The following ARFGEF3 variants were observed in gnomAD, a reference collection of about 807,000 sequenced individuals.
The protein encoded by ARFGEF3 is brefeldin A-inhibited guanine nucleotide-exchange protein 3.
In ARFGEF3, 96 loss-of-function variants were observed where a neutral mutation model predicts 221.7. The ratio of observed to expected loss-of-function variants is 0.43; its 90% CI spans 0.37 to 0.51. The LOEUF is 0.51. Among genes scored for constraint, ARFGEF3 ranks in the 20% least tolerant of loss-of-function variants. The pLI is 0.00. For missense variants in ARFGEF3, 2,410 were observed against 2,789.9 expected, an observed-to-expected ratio of 0.86 and a Z score of 3.07; for synonymous variants, 1,145 against 1,126.8, an observed-to-expected ratio of 1.02 and a Z score of -0.32.
At chr6:138,316,206 C>G (rs953173984) in intron 26 of ARFGEF3, among the ~76,000 whole-genome samples, 2 of 152,030 alleles carry the variant, frequency 1.3e-5, no homozygotes, top group Admixed American at 6.5e-5. Context: ...TCTAAGTTTT[C>G]TACATAATCA....
intron 2 of ARFGEF3, among the ~76,000 whole-genome samples, chr6:138,171,986 G>T (rs914764362): frequency 5.3e-5 from 8 of 152,042 alleles, no homozygotes; most frequent in African/African-American, 1.9e-4. Context: ...ATGTTCTCAG[G>T]ATACTGTGAT....
At chr6:138,285,454 C>CA (rs5880380) in intron 14 of ARFGEF3, among the ~76,000 whole-genome samples, 1,394 of 81,058 alleles carry the variant, frequency 0.017, 7 homozygotes, top group Middle Eastern at 0.036. Context: ...ACTCCCGTCT[C>CA]AAAAAAAAAA....
intron 2 of ARFGEF3, among the ~76,000 whole-genome samples, chr6:138,189,578 T>A (rs187199878): frequency 1.3e-5 from 2 of 152,366 alleles, no homozygotes; most frequent in Admixed American, 1.3e-4. Flanking sequence ...GATTTTCACT[T>A]AGTATATCAA....
intron 4 of ARFGEF3, among the ~76,000 whole-genome samples, chr6:138,221,447 G>T (rs1407937647): frequency 6.6e-6 from 1 of 152,084 alleles, no homozygotes; most frequent in Non-Finnish European, 1.5e-5. Context: ...GAAATTATTT[G>T]GTCTAATATG....
intron 32 of ARFGEF3, among the ~76,000 whole-genome samples, chr6:138,329,343 C>G (rs1031224690): frequency 7.2e-5 from 11 of 152,142 alleles, no homozygotes; most frequent in African/African-American, 2.7e-4. Flanking sequence ...CAAGGACACA[C>G]AACTGCAAAG....
intron 5 of ARFGEF3, among the ~76,000 whole-genome samples, chr6:138,232,497 G>A (rs998616070): frequency 6.6e-6 from 1 of 152,136 alleles, no homozygotes; most frequent in African/African-American, 2.4e-5. Flanking sequence ...CTTCTCTGTG[G>A]GATTTCTCAA....
rs895266191 is a variant in ARFGEF3, at chr6:138,162,744, C to A, written c.85+573C>A. 6.6e-6 allele frequency among the ~76,000 whole-genome samples: 1 copy of A among 152,142 alleles called. No homozygotes were observed. Among genetic ancestry groups the A allele is most frequent in the Admixed American group, 6.5e-5 (1 of 15,276 alleles). On this transcript the variant is annotated intron_variant, in intron 1 of 33. Coordinates refer to ENST00000251691, the MANE Select transcript of ARFGEF3 (RefSeq NM_020340.5). This position sits in a 1 kb window ranked among gnomAD's most constrained non-coding sequence, Gnocchi z 4.7. ...CCTTCAGACAGGTGGGATTTTAGGG[C>A]TGTGAGCTGTGCTAGCGTTGAAGTA...
chr6:138,167,237 A>C (rs558713908), intron 1 of ARFGEF3, among the ~76,000 whole-genome samples: 20 of 152,292 alleles, frequency 1.3e-4, no homozygotes, highest in African/African-American at 4.8e-4. Flanking sequence ...TGAGTTTCTC[A>C]AGGGTTAGCT....
chr6:138,218,300 GAAGT>G, intron 4 of ARFGEF3: 1 of 1,583,162 alleles, frequency 6.3e-7, no homozygotes, highest in Middle Eastern at 1.7e-4. Flanking sequence ...GTAGCCTTGG[GAAGT>G]TACTTAATCT....
chr6:138,297,051 C>T lies in ARFGEF3; in HGVS notation c.3648+96C>T, dbSNP rs530854138. On this transcript the variant is annotated intron_variant, in intron 21 of 33. Coordinates refer to ENST00000251691, the MANE Select transcript of ARFGEF3 (RefSeq NM_020340.5). ...TGCAGTCATGTATGGGGGCAAAGCA[C>T]TGTGGCCATTGGGCAGTGGGAACTT... is the stretch of plus-strand genomic sequence containing the variant. 7.9e-6 allele frequency: 11 copies of T among 1,396,056 alleles called. No individual in the cohort carries two copies. The South Asian group carries it at 1.5e-4, about 19-fold the overall frequency. The allele number at this position is 1,396,056 out of a possible 1,614,324, so 86.5% of individuals were successfully genotyped here. A position where few individuals can be genotyped will look rare whatever the true frequency, so the allele number is the denominator to read the frequency against.
chr6:138,242,748 T>A, intron 6 of ARFGEF3, among the ~76,000 whole-genome samples: 1 of 152,162 alleles, frequency 6.6e-6, no homozygotes, highest in East Asian at 1.9e-4. Context: ...ATAAGCTCAA[T>A]TCCAGAGATC....
chr6:138,297,288 C>T lies in ARFGEF3; in HGVS notation c.3648+333C>T, dbSNP rs936980021. Among the ~76,000 whole-genome samples the T allele has an allele frequency of 1.1e-4, 17 of 152,298 alleles. 1 individual carries two copies. Among genetic ancestry groups the T allele is most frequent in the East Asian group, 9.6e-4 (5 of 5,186 alleles). ...GGTTCCTAATAGCTTTATTTTTATA[C>T]ATAAATATAACAATGTCTTTGGTTC... is the stretch of plus-strand genomic sequence containing the variant. On this transcript the variant is annotated intron_variant, in intron 21 of 33. Coordinates refer to ENST00000251691, the MANE Select transcript of ARFGEF3 (RefSeq NM_020340.5).
chr6:138,202,816 T>C (rs756230198), intron 2 of ARFGEF3, among the ~76,000 whole-genome samples: 1 of 151,864 alleles, frequency 6.6e-6, no homozygotes, highest in Non-Finnish European at 1.5e-5. Flanking sequence ...AAAATATTGG[T>C]CCTCAATTTC....
intron 2 of ARFGEF3, among the ~76,000 whole-genome samples, chr6:138,195,866 G>A (rs1400219615): frequency 3.3e-5 from 5 of 152,116 alleles, no homozygotes; most frequent in Non-Finnish European, 7.4e-5. Context: ...GGAATTAAGT[G>A]TGTCTGTGGG....
In ARFGEF3 at chr6:138,339,242, T is replaced by G. The variant is rs1780384863; in HGVS notation, c.*2756T>G. Reference sequence around the variant, plus strand: ...GCAGGTGGAGAAGAAAGGGAGGAGATGAAGAACACTGAGAGGGGAGTGGCA... The same window carrying G: ...GCAGGTGGAGAAGAAAGGGAGGAGAGGAAGAACACTGAGAGGGGAGTGGCA... On this transcript the variant is annotated 3_prime_UTR_variant, in exon 34 of 34. Coordinates refer to ENST00000251691, the MANE Select transcript of ARFGEF3 (RefSeq NM_020340.5). 6.6e-6 allele frequency: 1 copy of G among 152,246 alleles called. No individual in the cohort carries two copies. Among genetic ancestry groups the G allele is most frequent in the Non-Finnish European group, 1.5e-5 (1 of 68,126 alleles). 9.4% of individuals were successfully genotyped at this position (152,246 alleles called of 1,614,324 possible). A position where few individuals can be genotyped will look rare whatever the true frequency, so the allele number is the denominator to read the frequency against.
At chr6:138,179,546 C>T (rs545006348) in intron 2 of ARFGEF3, among the ~76,000 whole-genome samples, 25 of 152,198 alleles carry the variant, frequency 1.6e-4, no homozygotes, top group African/African-American at 4.3e-4. Flanking sequence ...CTTCATTTTG[C>T]CTGCCTTGTC....
chr6:138,326,087 C>T (rs1780122253), intron 31 of ARFGEF3, among the ~76,000 whole-genome samples: 1 of 152,110 alleles, frequency 6.6e-6, no homozygotes, highest in Non-Finnish European at 1.5e-5. Context: ...AAACTCCAGA[C>T]CTCAAGTCAT....
At chr6:138,180,274 A>T (rs1366169504) in intron 2 of ARFGEF3, among the ~76,000 whole-genome samples, 2 of 152,216 alleles carry the variant, frequency 1.3e-5, no homozygotes, top group South Asian at 4.1e-4. Flanking sequence ...GTCATGGAGA[A>T]GTGTTGGACT....
At chr6:138,204,635 GACA>G (rs1777596947) in intron 2 of ARFGEF3, among the ~76,000 whole-genome samples, 1 of 152,186 alleles carries the variant, frequency 6.6e-6, no homozygotes, top group Non-Finnish European at 1.5e-5. Context: ...AAAGAAGTTT[GACA>G]ACCTCTGATA....
Sources: allele counts gnomAD v4.1 joint callset (sites outside exome capture counted in the v4.1 genomes callset), GRCh38; gene constraint gnomAD v4.1.1; non-coding constraint Gnocchi (gnomAD v3.1); transcripts MANE v1.5; gene names NCBI Gene and HGNC (gene_info 2026-07-23, HGNC 2026-07-21).